EDIL3: variants seen among roughly 807,000 people sequenced by gnomAD.
EDIL3 encodes the protein EGF-like repeat and discoidin I-like domain-containing protein 3.
A neutral mutation model predicts 67.4 loss-of-function variants in EDIL3; 37 were observed. The ratio of observed to expected loss-of-function variants is 0.55; its 90% CI spans 0.42 to 0.72. EDIL3 has a LOEUF of 0.72. Among genes scored for constraint, EDIL3 ranks in the 30% least tolerant of loss-of-function variants. The probability of loss-of-function intolerance (pLI) is 0.00; values close to 1 mark genes in which losing one functional copy is unlikely to be tolerated. For synonymous variants in EDIL3, 195 were observed against 196.3 expected, an observed-to-expected ratio of 0.99 and a Z score of 0.05; for missense variants, 527 against 586.3, an observed-to-expected ratio of 0.90 and a Z score of 1.04.
chr5:84,034,950 C>G (rs1745993286), intron 9 of EDIL3, among the ~76,000 whole-genome samples: 1 of 151,974 alleles, frequency 6.6e-6, no homozygotes, highest in African/African-American at 2.4e-5. Context: ...AGTATTTGGA[C>G]TTTTAGAAGA....
chr5:84,116,229 A>T (rs1658770046), intron 5 of EDIL3, among the ~76,000 whole-genome samples: 1 of 150,190 alleles, frequency 6.7e-6, no homozygotes, highest in African/African-American at 2.4e-5. Flanking sequence ...ATGAAACAGG[A>T]GGCCATTGCA....
intron 1 of EDIL3, among the ~76,000 whole-genome samples, chr5:84,340,581 CAT>C (rs1156336435): frequency 9.6e-4 from 67 of 69,834 alleles, no homozygotes; most frequent in African/African-American, 3.0e-3. Context: ...TGTTAGTCTA[CAT>C]ATATATATGT....
chr5:84,315,584 A>G (rs1746493494), intron 1 of EDIL3, among the ~76,000 whole-genome samples: 1 of 152,168 alleles, frequency 6.6e-6, no homozygotes, highest in African/African-American at 2.4e-5. Flanking sequence ...TGTAATTAAT[A>G]TTTTTTAAAA....
intron 1 of EDIL3, among the ~76,000 whole-genome samples, chr5:84,255,494 C>T (rs1310237495): frequency 6.6e-6 from 1 of 152,230 alleles, no homozygotes; most frequent in South Asian, 2.1e-4. Context: ...TGCACAAAAA[C>T]CCATACAGTT....
chr5:84,311,312 C>CT lies in EDIL3; in HGVS notation c.68-57101dup, dbSNP rs900034474. Among the ~76,000 whole-genome samples the CT allele has an allele frequency of 8.7e-3, 817 of 93,800 alleles. 15 individuals carry two copies. Among genetic ancestry groups the CT allele is most frequent in the Non-Finnish European group, 0.011 (428 of 40,170 alleles). 61.5% of individuals were successfully genotyped at this position (93,800 alleles called of 152,430 possible). A position where few individuals can be genotyped will look rare whatever the true frequency, so the allele number is the denominator to read the frequency against. ...ACCCTCCCACTATTCAATGTATTTTCTTTTTTTTTTTCTTTTTTTTTTTTT... is the reference window on the plus strand; with the variant it reads ...ACCCTCCCACTATTCAATGTATTTTCTTTTTTTTTTTTCTTTTTTTTTTTTT... On this transcript the variant is annotated intron_variant, in intron 1 of 10. Coordinates refer to ENST00000296591, the MANE Select transcript of EDIL3 (RefSeq NM_005711.5).
intron 1 of EDIL3, among the ~76,000 whole-genome samples, chr5:84,267,962 C>A (rs1745382618): frequency 6.6e-6 from 1 of 152,060 alleles, no homozygotes; most frequent in Non-Finnish European, 1.5e-5. Context: ...CATGTTGAAA[C>A]CCCATGTCTA....
intron 3 of EDIL3, among the ~76,000 whole-genome samples, chr5:84,194,655 T>C (rs1743663662): frequency 1.3e-5 from 2 of 151,966 alleles, no homozygotes; most frequent in South Asian, 4.1e-4. Flanking sequence ...ATATATTAAA[T>C]GTATGTAGCA....
intron 6 of EDIL3, among the ~76,000 whole-genome samples, chr5:84,097,504 G>A (rs1747285024): frequency 6.6e-6 from 1 of 152,114 alleles, no homozygotes; most frequent in South Asian, 2.1e-4. Context: ...TTCAAATGGA[G>A]TAGTTAGCAA....
chr5:84,317,033 G>T (rs1746528615), intron 1 of EDIL3, among the ~76,000 whole-genome samples: 1 of 152,124 alleles, frequency 6.6e-6, no homozygotes. Flanking sequence ...TGAAATGCAA[G>T]CAGAAATAAA....
intron 10 of EDIL3, among the ~76,000 whole-genome samples, chr5:83,957,383 A>T (rs369536662): frequency 3.0e-4 from 45 of 151,842 alleles, no homozygotes; most frequent in African/African-American, 1.1e-3. Flanking sequence ...ATTTCAAAAG[A>T]ACAGCATGAG....
rs776579124 is a variant in EDIL3 at position 84,137,275 on chromosome 5, G to A, written c.435C>T (p.Cys145=). The A allele has an allele frequency of 1.2e-6, 2 of 1,613,076 alleles. No individual in the cohort carries two copies. Among genetic ancestry groups the A allele is most frequent in the South Asian group, 1.1e-5 (1 of 91,034 alleles). ...TDLVANYSCE[C]PGEFMGRNCQ... is the part of the protein sequence containing the mutation. ...AATTTCTTCCCATAAATTCGCCTGG[G>A]CACTCACAGGAATAGTTAGCAACAA... is the stretch of plus-strand genomic sequence containing the variant. The change falls in exon 5 of 11, where the codon TGC becomes TGT. Residue 145 remains cysteine (C), a synonymous_variant. Transcript: ENST00000296591.
intron 4 of EDIL3, among the ~76,000 whole-genome samples, chr5:84,153,964 T>A (rs1388956786): frequency 1.3e-5 from 2 of 152,156 alleles, no homozygotes; most frequent in South Asian, 4.1e-4. Flanking sequence ...TGGGCTACAC[T>A]AAGCTCTACT....
chr5:83,969,102 T>C (rs1446220931), intron 9 of EDIL3, among the ~76,000 whole-genome samples: 1 of 151,756 alleles, frequency 6.6e-6, no homozygotes, highest in Admixed American at 6.6e-5. Context: ...AGGCAATTAG[T>C]TTACTCTTTA....
chr5:84,133,464 C>CAAAAAAAAAAA (rs5869210), intron 5 of EDIL3, among the ~76,000 whole-genome samples: 19 of 86,504 alleles, frequency 2.2e-4, no homozygotes, highest in Non-Finnish European at 2.7e-4. Flanking sequence ...ACTAAAAATA[C>CAAAAAAAAAAA]AAAAAAAAAA....
intron 1 of EDIL3, among the ~76,000 whole-genome samples, chr5:84,280,947 C>CAAAAAAAAAAAAAAAAAAAAAAGA (rs1745687388): frequency 1.4e-5 from 1 of 70,196 alleles, no homozygotes; most frequent in Non-Finnish European, 2.5e-5. Flanking sequence ...AAGACTCTGT[C>CAAAAAAAAAAAAAAAAAAAAAAGA]AAAAAAAAAA....
At chr5:84,166,493 TAAC>T (rs991231730) in intron 4 of EDIL3, among the ~76,000 whole-genome samples, 156 of 152,298 alleles carry the variant, frequency 1.0e-3, no homozygotes, top group African/African-American at 3.7e-3. Context: ...TTTGTTTACT[TAAC>T]AAATATTTAT....
intron 9 of EDIL3, among the ~76,000 whole-genome samples, chr5:84,018,664 G>A (rs879690431): frequency 3.3e-5 from 5 of 152,066 alleles, no homozygotes; most frequent in Admixed American, 6.6e-5. Flanking sequence ...TCAAGTAACT[G>A]ATAAGATCTT....
chr5:83,958,105 G>A (rs532451495), intron 10 of EDIL3, among the ~76,000 whole-genome samples: 109 of 151,576 alleles, frequency 7.2e-4, no homozygotes, highest in African/African-American at 2.5e-3. Flanking sequence ...ACCAATTAGA[G>A]GCCAAAGTCC....
At chr5:83,954,270 G>T (rs192570320) in intron 10 of EDIL3, among the ~76,000 whole-genome samples, 8 of 151,676 alleles carry the variant, frequency 5.3e-5, no homozygotes, top group Admixed American at 5.3e-4. Flanking sequence ...TGAAATTTTT[G>T]CTATATTCTA....
Sources: gnomAD v4.1 joint callset for allele counts (sites outside exome capture counted in the v4.1 genomes callset) on GRCh38, gnomAD v4.1.1 for gene constraint, MANE v1.5 for transcripts, NCBI Gene and HGNC (gene_info 2026-07-23, HGNC 2026-07-21) for gene names.